Variants in RANBP17 observed in about 807,000 individuals in gnomAD.
The protein encoded by RANBP17 is RAN binding protein 17.
Under a neutral mutation model 141.2 loss-of-function variants are expected in RANBP17, and 158 were observed. That is an observed-to-expected ratio of 1.12 (90% CI 0.98 to 1.28). The LOEUF is 1.28. Among genes scored for constraint, RANBP17 ranks in the 50% most tolerant of loss-of-function variants. The pLI is 0.00. For missense variants in RANBP17, 1,438 were observed against 1,290.7 expected (o/e 1.11, Z -1.75); for synonymous variants, 430 against 450.0 (o/e 0.96, Z 0.56).
intron 14 of RANBP17, among the ~76,000 whole-genome samples, chr5:170,988,182 A>G (rs1449446041): frequency 1.3e-5 from 2 of 151,626 alleles, no homozygotes; most frequent in African/African-American, 2.4e-5. Context: ...CAATCATTAT[A>G]AAATTCGGTA....
intron 14 of RANBP17, among the ~76,000 whole-genome samples, chr5:171,053,916 TATATATATA>T (rs200977923): frequency 0.17 from 19,382 of 112,380 alleles, 3,450 homozygotes; most frequent in South Asian, 0.29. Flanking sequence ...TATATATATA[TATATATATA>T]ATTGCTGTAT....
intron 14 of RANBP17, among the ~76,000 whole-genome samples, chr5:171,129,818 GA>G (rs1441544098): frequency 8.5e-5 from 13 of 152,128 alleles, no homozygotes; most frequent in Admixed American, 3.3e-4. Flanking sequence ...TGGGCTTGTA[GA>G]GTTTCTCTGT....
intron 14 of RANBP17, among the ~76,000 whole-genome samples, chr5:171,153,585 T>C (rs562425280): frequency 6.6e-6 from 1 of 152,312 alleles, no homozygotes; most frequent in South Asian, 2.1e-4. Flanking sequence ...TGATGAAATC[T>C]TGGGGAAGAC....
intron 18 of RANBP17, among the ~76,000 whole-genome samples, chr5:171,197,231 A>G (rs1762026750): frequency 6.6e-6 from 1 of 152,212 alleles, no homozygotes; most frequent in African/African-American, 2.4e-5. Flanking sequence ...ATTACTTTTT[A>G]TCTAAACACA....
intron 14 of RANBP17, among the ~76,000 whole-genome samples, chr5:171,029,488 G>T (rs1415941698): frequency 6.6e-6 from 1 of 152,222 alleles, no homozygotes; most frequent in East Asian, 1.9e-4. Context: ...GCTAACATTT[G>T]CACTCATGGT....
intron 11 of RANBP17, among the ~76,000 whole-genome samples, chr5:170,921,336 A>C (rs1425927983): frequency 1.3e-5 from 2 of 152,150 alleles, no homozygotes; most frequent in Non-Finnish European, 2.9e-5. Context: ...AGCACTGTTT[A>C]TTAAATAGGA....
At chr5:170,888,295 A>G (rs1769321377) in intron 3 of RANBP17, among the ~76,000 whole-genome samples, 1 of 152,214 alleles carries the variant, frequency 6.6e-6, no homozygotes, top group Non-Finnish European at 1.5e-5. Flanking sequence ...CTTTAGATAT[A>G]GTTGGAAAAT....
chr5:170,889,267 C>T (rs965069414), intron 3 of RANBP17, among the ~76,000 whole-genome samples: 7 of 151,916 alleles, frequency 4.6e-5, no homozygotes, highest in Admixed American at 3.9e-4. Context: ...AGGTGTGTAT[C>T]GTCTCTTTCC....
intron 24 of RANBP17, chr5:171,252,860 T>G (rs185072114): frequency 9.0e-6 from 12 of 1,329,906 alleles, no homozygotes; most frequent in East Asian, 6.9e-5. Context: ...GATTTTTGGT[T>G]GTTGTTTGAT....
At chr5:171,187,896 T>G (rs1238612970) in intron 18 of RANBP17, among the ~76,000 whole-genome samples, 2 of 152,234 alleles carry the variant, frequency 1.3e-5, no homozygotes, top group African/African-American at 4.8e-5. Context: ...TTTCTTTGTT[T>G]CTCTTGAAGT....
chr5:170,923,522 C>A (rs997477696), intron 11 of RANBP17, among the ~76,000 whole-genome samples: 2 of 152,118 alleles, frequency 1.3e-5, no homozygotes, highest in African/African-American at 4.8e-5. Context: ...TTAGTTTCTA[C>A]AAAGAAGTTC....
chr5:171,117,024 C>T (rs1056300560), intron 14 of RANBP17, among the ~76,000 whole-genome samples: 3 of 152,096 alleles, frequency 2.0e-5, no homozygotes, highest in Non-Finnish European at 2.9e-5. Flanking sequence ...ATAGTGTTCC[C>T]TTGTGTATGT....
chr5:170,922,813 C>G (rs1243203363), intron 11 of RANBP17, among the ~76,000 whole-genome samples: 1 of 152,130 alleles, frequency 6.6e-6, no homozygotes, highest in Admixed American at 6.5e-5. Flanking sequence ...AGCTTGCCCT[C>G]CGTGGGCTGC....
chr5:171,279,160 G>C (rs141123590), intron 25 of RANBP17, among the ~76,000 whole-genome samples: 1 of 152,262 alleles, frequency 6.6e-6, no homozygotes, highest in Admixed American at 6.5e-5. Context: ...CTGGGTGAGG[G>C]CATGGTGTGG....
At chr5:171,067,087 A>G (rs1050777197) in intron 14 of RANBP17, among the ~76,000 whole-genome samples, 22 of 152,102 alleles carry the variant, frequency 1.4e-4, no homozygotes, top group African/African-American at 5.3e-4. Context: ...TTTGTTCCTC[A>G]GTTCCTCCTA....
intron 14 of RANBP17, among the ~76,000 whole-genome samples, chr5:170,991,468 A>G (rs1204896371): frequency 6.6e-6 from 1 of 151,982 alleles, no homozygotes; most frequent in Non-Finnish European, 1.5e-5. Flanking sequence ...ATTAGAGGCT[A>G]TATATTCTAG....
chr5:170,968,549 G>C, intron 14 of RANBP17, 172 bp downstream of exon 14: 1 of 672,448 alleles, frequency 1.5e-6, no homozygotes, highest in Non-Finnish European at 2.7e-6. Flanking sequence ...TTTATACCTA[G>C]TTTACCATTT....
At position 170,889,414 on chromosome 5, in the gene RANBP17, A is replaced by T. The variant is rs371376291; in HGVS notation, c.257-2973A>T. Among the ~76,000 whole-genome samples, 63 of 152,248 alleles carry T rather than the reference A, an allele frequency of 4.1e-4. 1 individual carries two copies. In the South Asian group the frequency reaches 0.013, roughly 31 times the overall value. On this transcript the variant is annotated intron_variant, in intron 3 of 27. Transcript: ENST00000523189. ...TTGGATTTAGAGTTTTGAATTATGAATTATTACTAAAATATATGATTTGTC... is the reference window on the plus strand; with the variant it reads ...TTGGATTTAGAGTTTTGAATTATGATTTATTACTAAAATATATGATTTGTC...
intron 25 of RANBP17, among the ~76,000 whole-genome samples, chr5:171,281,124 A>G (rs1767835214): frequency 6.6e-6 from 1 of 152,162 alleles, no homozygotes; most frequent in African/African-American, 2.4e-5. Flanking sequence ...TCACTGTCTT[A>G]GATTCTCTCC....
Sources: allele counts gnomAD v4.1 joint callset (sites outside exome capture counted in the v4.1 genomes callset), GRCh38; gene constraint gnomAD v4.1.1; transcripts MANE v1.5; gene names NCBI Gene and HGNC (gene_info 2026-07-23, HGNC 2026-07-21).